MAP2K5: variants seen among roughly 807,000 people sequenced by gnomAD.
MAP2K5 encodes the protein dual specificity mitogen-activated protein kinase kinase 5.
A neutral mutation model predicts 83.1 loss-of-function variants in MAP2K5; 49 were observed. That is an observed-to-expected ratio of 0.59 (90% confidence interval 0.47 to 0.75). The LOEUF (loss-of-function observed/expected upper bound fraction) is 0.75, where lower values mean the gene tolerates loss of function less well. Ranked by LOEUF, MAP2K5 falls within the 30% of genes least tolerant of loss-of-function variation. The pLI is 0.00. For missense variants in MAP2K5, 457 were observed against 557.5 expected (o/e 0.82, Z 1.82); for synonymous variants, 202 against 191.8 (o/e 1.05, Z -0.44).
In MAP2K5 at chr15:67,590,634, T is replaced by C. The variant is rs572586370; in HGVS notation, c.432-2292T>C. ...TGCCTGGCTAAGTTTTTAATTTTTT[T>C]TAGAGATGGGGCCCTACTATGTTGC... On this transcript the variant is annotated intron_variant, in intron 6 of 21. Transcript: ENST00000178640. 8.3e-4 allele frequency among the ~76,000 whole-genome samples: 126 copies of C among 152,078 alleles called. 1 individual carries two copies. Among genetic ancestry groups the C allele is most frequent in the Middle Eastern group, 6.8e-3 (2 of 294 alleles).
intron 13 of MAP2K5, among the ~76,000 whole-genome samples, chr15:67,669,542 CAA>C (rs1372392615): frequency 1.3e-5 from 2 of 151,910 alleles, no homozygotes; most frequent in South Asian, 2.1e-4. Context: ...GTGTGGGAGA[CAA>C]GAGTAGAATC....
In MAP2K5 at chr15:67,577,223, C is replaced by G. The variant is rs1052905799; in HGVS notation, c.253-3531C>G. 1.8e-4 allele frequency among the ~76,000 whole-genome samples: 28 copies of G among 152,266 alleles called. No homozygotes were observed. The highest frequency in any genetic ancestry group is 3.4e-3 in the Middle Eastern group (1 of 294). On this transcript the variant is annotated intron_variant, in intron 3 of 21. Transcript: ENST00000178640. This position sits in a 1 kb window ranked among gnomAD's most constrained non-coding sequence, Gnocchi z 4.1. The stretch of plus-strand genomic sequence containing the variant: ...GTGCTGGGATTACAGGCGTGAGCCA[C>G]CGTGCCCGGCCAGTAACCCTATATA...
intron 13 of MAP2K5, among the ~76,000 whole-genome samples, chr15:67,683,396 C>T (rs1011421694): frequency 1.3e-5 from 2 of 152,126 alleles, no homozygotes; most frequent in African/African-American, 2.4e-5. Flanking sequence ...TCTACATTAC[C>T]TTAAAAAAGG....
At chr15:67,582,055 ATTTCTTTTTT>A (rs1379480388) in intron 4 of MAP2K5, among the ~76,000 whole-genome samples, 2 of 134,908 alleles carry the variant, frequency 1.5e-5, no homozygotes, top group East Asian at 2.3e-4. Context: ...GATGTAGATG[ATTTCTTTTTT>A]TTTTTTTTTT....
rs149625618 is a variant in MAP2K5 at position 67,806,210 on chromosome 15, G to A, written c.1243-436G>A. 3.0e-3 allele frequency among the ~76,000 whole-genome samples: 458 copies of A among 152,356 alleles called. 4 individuals carry two copies. Among genetic ancestry groups the A allele is most frequent in the African/African-American group, 0.01 (423 of 41,586 alleles). On this transcript the variant is annotated intron_variant, in intron 21 of 21. Coordinates refer to ENST00000178640, the MANE Select transcript of MAP2K5 (RefSeq NM_145160.3). ...ACAAAGGAGAAAGCTAAAAGGGATT[G>A]ACATAGCCTCTGACGAGATGATTCT...
At chr15:67,691,885 C>T (rs944905760) in intron 13 of MAP2K5, among the ~76,000 whole-genome samples, 1 of 152,158 alleles carries the variant, frequency 6.6e-6, no homozygotes, top group East Asian at 1.9e-4. Context: ...CATGCATGTA[C>T]ACATATATAC....
chr15:67,700,901 A>G (rs1339184564), intron 15 of MAP2K5, among the ~76,000 whole-genome samples: 3 of 151,654 alleles, frequency 2.0e-5, no homozygotes, highest in African/African-American at 4.8e-5. Context: ...AGTATCTGTG[A>G]ACATTATCAC....
chr15:67,767,797 C>T (rs1257042583), intron 19 of MAP2K5, among the ~76,000 whole-genome samples: 1 of 152,134 alleles, frequency 6.6e-6, no homozygotes, highest in African/African-American at 2.4e-5. Flanking sequence ...TGATCAGCCA[C>T]CCATCCACCT....
At chr15:67,791,897 C>G (rs1193810445) in intron 21 of MAP2K5, among the ~76,000 whole-genome samples, 1 of 152,226 alleles carries the variant, frequency 6.6e-6, no homozygotes, top group Non-Finnish European at 1.5e-5. Context: ...ATTCACTGAT[C>G]TGTTCCCCTC....
intron 21 of MAP2K5, among the ~76,000 whole-genome samples, chr15:67,799,066 G>T (rs186462680): frequency 1.3e-5 from 2 of 152,382 alleles, no homozygotes; most frequent in African/African-American, 4.8e-5. Flanking sequence ...CTACTCAGGA[G>T]GCTGAGGCAG....
intron 13 of MAP2K5, 73 bp from the exon 14 acceptor site, chr15:67,692,406 A>G: frequency 1.0e-6 from 1 of 967,186 alleles, no homozygotes; most frequent in Non-Finnish European, 1.7e-6. Flanking sequence ...TGTGGTGTGC[A>G]TGTGTGCTTT....
At chr15:67,805,462 G>A (rs1350083729) in intron 21 of MAP2K5, among the ~76,000 whole-genome samples, 2 of 152,232 alleles carry the variant, frequency 1.3e-5, no homozygotes, top group Non-Finnish European at 2.9e-5. Context: ...AGCTCGTGGC[G>A]AGGCCATGCG....
At chr15:67,766,935 C>T (rs1323774524) in intron 19 of MAP2K5, among the ~76,000 whole-genome samples, 2 of 152,152 alleles carry the variant, frequency 1.3e-5, no homozygotes, top group African/African-American at 2.4e-5. Context: ...ATGCAGGAGA[C>T]ATGGATTTTA....
Position 67,793,854 on chromosome 15 carries a change from C to T in MAP2K5, c.1243-12792C>T, listed in dbSNP as rs1359882549. 2.0e-5 allele frequency among the ~76,000 whole-genome samples: 3 copies of T among 152,176 alleles called. No individual in the cohort carries two copies. The highest frequency in any genetic ancestry group is 4.4e-5 in the Non-Finnish European group (3 of 68,032). On this transcript the variant is annotated intron_variant, in intron 21 of 21. Coordinates refer to ENST00000178640, the MANE Select transcript of MAP2K5 (RefSeq NM_145160.3). This position sits in a 1 kb window ranked among gnomAD's most constrained non-coding sequence, Gnocchi z 4.6. Reference sequence around the variant, plus strand: ...CTTCAAACTGTTGAGGTTTTATTTTCTGAGAGGACCAAAGAGTCATGAATG... The same window carrying T: ...CTTCAAACTGTTGAGGTTTTATTTTTTGAGAGGACCAAAGAGTCATGAATG...
intron 16 of MAP2K5, among the ~76,000 whole-genome samples, chr15:67,703,829 G>T (rs1175871776): frequency 6.6e-6 from 1 of 152,148 alleles, no homozygotes; most frequent in African/African-American, 2.4e-5. Context: ...TTCCAACGGT[G>T]ATTAGTTTAA....
At chr15:67,597,538 G>T (rs1163561921) in intron 7 of MAP2K5, among the ~76,000 whole-genome samples, 3 of 152,172 alleles carry the variant, frequency 2.0e-5, no homozygotes, top group Admixed American at 6.5e-5. Flanking sequence ...AATGATACTT[G>T]ATCCCAACTA....
chr15:67,710,310 C>G (rs922403017), intron 16 of MAP2K5, among the ~76,000 whole-genome samples: 1 of 152,146 alleles, frequency 6.6e-6, no homozygotes, highest in Non-Finnish European at 1.5e-5. Context: ...TTAATTGGTG[C>G]GTCATCTAGT....
chr15:67,614,985 G>A (rs2086023381), intron 8 of MAP2K5, among the ~76,000 whole-genome samples: 1 of 151,858 alleles, frequency 6.6e-6, no homozygotes, highest in Non-Finnish European at 1.5e-5. Context: ...CAGTATGAGG[G>A]GCTCTGTTTT....
chr15:67,696,001 C>CAAGTT (rs939322954), intron 15 of MAP2K5, among the ~76,000 whole-genome samples: 4 of 151,150 alleles, frequency 2.6e-5, no homozygotes, highest in African/African-American at 9.7e-5. Context: ...TCTTATTGGC[C>CAAGTT]AAGTGCTCAC....
Sources: allele counts gnomAD v4.1 joint callset (sites outside exome capture counted in the v4.1 genomes callset), GRCh38; gene constraint gnomAD v4.1.1; non-coding constraint Gnocchi (gnomAD v3.1); transcripts MANE v1.5; gene names NCBI Gene and HGNC (gene_info 2026-07-23, HGNC 2026-07-21).